Variants in PAGE3 observed in about 807,000 individuals in gnomAD.
The protein encoded by PAGE3 is PAGE family member 3.
A neutral mutation model predicts 3.8 loss-of-function variants in PAGE3; 9 were observed. The ratio of observed to expected loss-of-function variants is 2.36; its 90% CI spans 1.42 to 4.12. The LOEUF (loss-of-function observed/expected upper bound fraction) is 4.12. PAGE3 is among the 30% of genes most tolerant of loss of function. The pLI is 0.00. For synonymous variants in PAGE3, 24 were observed against 13.1 expected, an observed-to-expected ratio of 1.83 and a Z score of -1.79; for missense variants, 73 against 37.8, an observed-to-expected ratio of 1.93 and a Z score of -2.44.
chrX:55,261,949 AC>A (rs1462877788), intron 3 of PAGE3, among the ~76,000 whole-genome samples: 2 of 111,962 alleles, frequency 1.8e-5, no homozygotes, highest in Admixed American at 1.9e-4. Context: ...AAATAAAGTT[AC>A]TTTTAGGTCC....
chrX:55,262,080 G>T (rs999983677), intron 3 of PAGE3, among the ~76,000 whole-genome samples: 1 of 111,669 alleles, frequency 9.0e-6, no homozygotes, highest in Admixed American at 9.5e-5. Flanking sequence ...ATAATGGGAA[G>T]TGGAATGGAA....
chrX:55,264,425 C>T (rs147417695), intron 1 of PAGE3, 121 bp downstream of exon 1: 271 of 111,249 alleles, frequency 2.4e-3, no homozygotes, highest in Middle Eastern at 4.6e-3. Context: ...GTTATCAGCC[C>T]GCAGTGTTCC....
intron 3 of PAGE3, 43 bp downstream of exon 3, chrX:55,263,208 C>T (rs2296806): frequency 0.018 from 9,670 of 543,880 alleles, 194 homozygotes; most frequent in Admixed American, 0.084. Context: ...TATATACATA[C>T]ACCCCCTCCA....
rs1938331715 is a variant in PAGE3 at position 55,263,372 on chromosome X, G to C, written c.85-13C>G. On this transcript the variant is annotated splice_polypyrimidine_tract_variant and intron_variant, in intron 2 of 4. Coordinates refer to ENST00000374951, the MANE Select transcript of PAGE3 (RefSeq NM_001017931.3). ...GCAGCTCCTGGGCCTAGGAATATGA[G>C]TGCGTGTGCAAATAAAAAGGTCTGT... 2 of 556,777 alleles carry C rather than the reference G, an allele frequency of 3.6e-6. No individual in the cohort carries two copies. The highest frequency in any genetic ancestry group is 2.4e-5 in the South Asian group (1 of 41,779). The allele number at this position is 556,777 out of a possible 1,213,427, so 45.9% of individuals were successfully genotyped here. A position where few individuals can be genotyped will look rare whatever the true frequency, so the allele number is the denominator to read the frequency against.
Position 55,263,819 on chromosome X carries a change from C to T in PAGE3, c.84+1G>A, listed in dbSNP as rs1467050518. 1.8e-6 allele frequency: 1 copy of T among 559,469 alleles called. No individual in the cohort carries two copies. The highest frequency in any genetic ancestry group is 3.3e-6 in the Non-Finnish European group (1 of 306,753). The allele number at this position is 559,469 out of a possible 1,213,427, so 46.1% of individuals were successfully genotyped here. ...AAAATATCAAATGTTAAAATACTCACAACCACAGCCCCTACTGGATGATTA... is the reference window on the plus strand; with the variant it reads ...AAAATATCAAATGTTAAAATACTCATAACCACAGCCCCTACTGGATGATTA... On this transcript the variant is annotated splice_donor_variant, in intron 2 of 4. Coordinates refer to ENST00000374951, the MANE Select transcript of PAGE3 (RefSeq NM_001017931.3). LOFTEE classifies it high-confidence loss of function.
At chrX:55,263,583 C>A in intron 2 of PAGE3, among the ~76,000 whole-genome samples, 1 of 111,178 alleles carries the variant, frequency 9.0e-6, no homozygotes, top group South Asian at 3.8e-4. Flanking sequence ...TTGATGTATA[C>A]AATGTGTTAT....
chrX:55,260,603 G>T lies in PAGE3; in HGVS notation c.250C>A (p.Arg84Ser), dbSNP rs138036236. Residue 84 changes from arginine to serine, a missense_variant, in exon 4 of 5, where the codon CGT becomes AGT. Physicochemically the swap from Arg to Ser is moderately radical, Grantham distance 110. Coordinates refer to ENST00000374951, the MANE Select transcript of PAGE3 (RefSeq NM_001017931.3). Reference protein sequence around the residue: ...ELTRSKTGGERGDGPNVKGEF... With the variant: ...ELTRSKTGGESGDGPNVKGEF... The stretch of plus-strand genomic sequence containing the variant: ...CCCTTGACATTAGGACCATCTCCAC[G>T]TTCACCCCCAGTCTTTGACCGAGTC... The T allele has an allele frequency of 3.5e-6, 2 of 565,449 alleles. No homozygotes were observed. Among genetic ancestry groups the T allele is most frequent in the Non-Finnish European group, 6.5e-6 (2 of 306,608 alleles). The allele number at this position is 565,449 out of a possible 1,213,427, so 46.6% of individuals were successfully genotyped here. A position where few individuals can be genotyped will look rare whatever the true frequency, so the allele number is the denominator to read the frequency against.
intron 4 of PAGE3, among the ~76,000 whole-genome samples, chrX:55,259,160 A>G (rs972021681): frequency 2.7e-5 from 3 of 111,101 alleles, no homozygotes; most frequent in African/African-American, 9.8e-5. Context: ...AATAAATTAT[A>G]TCGTCACACT....
rs1157173795 is a variant in PAGE3 at position 55,263,357 on chromosome X, G to T, written c.87C>A (p.Ala29=). ...DSNHPVGAVV[A]QELPSNDQLQ... is the part of the protein sequence containing the mutation. ...GCTGGTCATTACTGGGCAGCTCCTG[G>T]GCCTAGGAATATGAGTGCGTGTGCA... The change falls in exon 3 of 5, where the codon GCC becomes GCA. Residue 29 remains alanine (A), a splice_region_variant and synonymous_variant. Transcript: ENST00000374951. 4 of 564,707 alleles carry T rather than the reference G, an allele frequency of 7.1e-6. No homozygotes were observed. The African/African-American group carries it at 9.0e-5, about 13-fold the overall frequency. The allele number at this position is 564,707 out of a possible 1,213,427, so 46.5% of individuals were successfully genotyped here.
chrX:55,261,053 GA>G (rs1181684282), intron 3 of PAGE3, among the ~76,000 whole-genome samples: 1 of 111,274 alleles, frequency 9.0e-6, no homozygotes, highest in African/African-American at 3.3e-5. Flanking sequence ...GAGTCACTGT[GA>G]ATAAGTGTTG....
At chrX:55,258,549 T>C (rs1227422288) in intron 4 of PAGE3, 21 bp from the exon 5 acceptor site, 2 of 558,966 alleles carry the variant, frequency 3.6e-6, no homozygotes, top group Admixed American at 2.3e-5. Context: ...AACATAATAG[T>C]TGAGAGTATT....
chrX:55,260,740 T>A (rs1346766694), intron 3 of PAGE3, 81 bp from the exon 4 acceptor site: 2 of 409,125 alleles, frequency 4.9e-6, no homozygotes, highest in Non-Finnish European at 8.7e-6. Flanking sequence ...ACTCCCTCAA[T>A]GTTATGAAAT....
rs368255228 is a variant in PAGE3, at chrX:55,258,515, T to C, written c.333A>G (p.Pro111=). Residue 111 remains proline (P), a synonymous_variant, in exon 5 of 5, where the codon CCA becomes CCG. Coordinates refer to ENST00000374951, the MANE Select transcript of PAGE3 (RefSeq NM_001017931.3). ...VKIPEAGEGQ[P]SV is the part of the protein sequence containing the mutation. ...TTCAGCTTGTCTTCATTTAAACCGA[T>C]GGTTGCCCTTCACCTATAAGATAAA... is the stretch of plus-strand genomic sequence containing the variant. 1.6e-5 allele frequency: 9 copies of C among 563,221 alleles called. No individual in the cohort carries two copies. Among genetic ancestry groups the C allele is most frequent in the Non-Finnish European group, 2.9e-5 (9 of 306,875 alleles). The allele number at this position is 563,221 out of a possible 1,213,427, so 46.4% of individuals were successfully genotyped here.
In PAGE3 at chrX:55,264,650, G is replaced by A. The variant is rs1299319628; in HGVS notation, c.-113C>T. On this transcript the variant is annotated 5_prime_UTR_variant, in exon 1 of 5. Transcript: ENST00000374951. ...CCCAGAAACGACGACAAAGGCCCATGGGGCGTCGCGACCTGGGAGGAGCCG... is the reference window on the plus strand; with the variant it reads ...CCCAGAAACGACGACAAAGGCCCATAGGGCGTCGCGACCTGGGAGGAGCCG... The A allele has an allele frequency of 8.9e-6, 1 of 112,027 alleles. No homozygotes were observed. 9.2% of individuals were successfully genotyped at this position (112,027 alleles called of 1,213,427 possible). A position where few individuals can be genotyped will look rare whatever the true frequency, so the allele number is the denominator to read the frequency against.
chrX:55,263,254 G>T lies in PAGE3; in HGVS notation c.190C>A (p.Gln64Lys). ...QERDEGALDF[Q>K]VLGLAAYLWE... ...TTCTTCCTCTCCCACGCTTCACCTT[G>T]GAAGTCCAGTGCTCCCTCGTCTCTC... Residue 64 changes from glutamine (Q) to lysine (K), a missense_variant, in exon 3 of 5, where the codon CAA (glutamine) becomes AAA (lysine). Transcript: ENST00000374951. 1.8e-6 allele frequency: 1 copy of T among 567,333 alleles called. No homozygotes were observed. The highest frequency in any genetic ancestry group is 3.2e-6 in the Non-Finnish European group (1 of 308,033). 46.8% of individuals were successfully genotyped at this position (567,333 alleles called of 1,213,427 possible). A position where few individuals can be genotyped will look rare whatever the true frequency, so the allele number is the denominator to read the frequency against.
At chrX:55,261,232 A>T (rs1214643457) in intron 3 of PAGE3, among the ~76,000 whole-genome samples, 1 of 111,715 alleles carries the variant, frequency 9.0e-6, no homozygotes, top group African/African-American at 3.2e-5. Context: ...GTAATGCATG[A>T]TCCTGGAATC....
At chrX:55,260,047 A>C (rs759194103) in intron 4 of PAGE3, among the ~76,000 whole-genome samples, 42 of 111,552 alleles carry the variant, frequency 3.8e-4, no homozygotes, top group Non-Finnish European at 6.8e-4. Context: ...AACGTACTTA[A>C]GTTGATTACT....
intron 2 of PAGE3, 48 bp from the exon 3 acceptor site, chrX:55,263,407 T>C (rs758212697): frequency 7.6e-6 from 4 of 523,290 alleles, no homozygotes; most frequent in South Asian, 5.5e-5. Flanking sequence ...TTATTAATAA[T>C]GCATGTCAAT....
chrX:55,261,391 A>T (rs1938286765), intron 3 of PAGE3, among the ~76,000 whole-genome samples: 2 of 112,104 alleles, frequency 1.8e-5, no homozygotes, highest in South Asian at 7.4e-4. Flanking sequence ...ATATAATAGA[A>T]TAGTGGGTAT....
Sources: allele counts gnomAD v4.1 joint callset (sites outside exome capture counted in the v4.1 genomes callset), GRCh38; gene constraint gnomAD v4.1.1; transcripts MANE v1.5; gene names NCBI Gene and HGNC (gene_info 2026-07-23, HGNC 2026-07-21).